ATRNL1: variants seen among roughly 807,000 people sequenced by gnomAD.
The protein encoded by ATRNL1 is attractin-like protein 1.
In ATRNL1, 95 loss-of-function variants were observed where a neutral mutation model predicts 182.7. The ratio of observed to expected loss-of-function variants is 0.52; its 90% CI spans 0.44 to 0.62. The LOEUF (loss-of-function observed/expected upper bound fraction) is 0.62. ATRNL1 is among the 20% of genes least tolerant of loss of function. The pLI is 0.00. For synonymous variants in ATRNL1, 576 were observed against 568.3 expected (o/e 1.01, Z -0.19); for missense variants, 1,471 against 1,679.5 (o/e 0.88, Z 2.17).
intron 18 of ATRNL1, among the ~76,000 whole-genome samples, chr10:115,325,534 C>T (rs1039001115): frequency 1.3e-5 from 2 of 152,112 alleles, no homozygotes; most frequent in Non-Finnish European, 2.9e-5. Context: ...ATTTTTTCTG[C>T]AGGTAGGTCT....
intron 28 of ATRNL1, among the ~76,000 whole-genome samples, chr10:115,879,319 A>G: frequency 6.6e-6 from 1 of 151,648 alleles, no homozygotes; most frequent in South Asian, 2.1e-4. Flanking sequence ...AAAAAAAGAA[A>G]GAAAGAAAGA....
At chr10:115,203,397 A>C (rs1848669352) in intron 8 of ATRNL1, among the ~76,000 whole-genome samples, 1 of 152,080 alleles carries the variant, frequency 6.6e-6, no homozygotes, top group Non-Finnish European at 1.5e-5. Context: ...ACAGTAAATA[A>C]TAGCCCCCTC....
At chr10:115,748,793 A>G (rs1306171016) in intron 27 of ATRNL1, among the ~76,000 whole-genome samples, 5 of 151,900 alleles carry the variant, frequency 3.3e-5, no homozygotes, top group South Asian at 4.1e-4. Flanking sequence ...AAGTGAACCA[A>G]TCGATTATAC....
chr10:115,822,331 A>G (rs550651977), intron 27 of ATRNL1, among the ~76,000 whole-genome samples: 1 of 152,316 alleles, frequency 6.6e-6, no homozygotes, highest in South Asian at 2.1e-4. Context: ...AAAGCAGGAA[A>G]GATCTAAAAT....
chr10:115,491,616 C>A (rs2134657908), intron 24 of ATRNL1, among the ~76,000 whole-genome samples: 1 of 152,276 alleles, frequency 6.6e-6, no homozygotes, highest in Admixed American at 6.5e-5. Flanking sequence ...TGGAGCATCC[C>A]AGTTCAACCT....
At chr10:115,660,734 A>G (rs540993139) in intron 26 of ATRNL1, among the ~76,000 whole-genome samples, 30 of 152,284 alleles carry the variant, frequency 2.0e-4, no homozygotes, top group African/African-American at 7.2e-4. Context: ...AAGTAGAGTG[A>G]GTAAAAATAA....
chr10:115,481,690 A>G (rs561116623), intron 24 of ATRNL1, among the ~76,000 whole-genome samples: 95 of 150,956 alleles, frequency 6.3e-4, no homozygotes, highest in African/African-American at 2.2e-3. Context: ...TAAAATATTT[A>G]CTGAGAAGAA....
chr10:115,466,041 C>G (rs1488517697), intron 22 of ATRNL1, among the ~76,000 whole-genome samples: 1 of 151,448 alleles, frequency 6.6e-6, no homozygotes, highest in Non-Finnish European at 1.5e-5. Flanking sequence ...GTATGGCCAT[C>G]ACACATCATC....
intron 27 of ATRNL1, among the ~76,000 whole-genome samples, chr10:115,754,132 C>T (rs1300018823): frequency 2.0e-5 from 3 of 152,228 alleles, no homozygotes; most frequent in Non-Finnish European, 4.4e-5. Context: ...TGCCTGCTCA[C>T]TCTGATGATA....
chr10:115,539,311 C>G (rs1260625348), intron 25 of ATRNL1, among the ~76,000 whole-genome samples: 1 of 152,192 alleles, frequency 6.6e-6, no homozygotes, highest in East Asian at 1.9e-4. Flanking sequence ...CTTTGTCAAA[C>G]ATTCACCATA....
Position 115,178,037 on chromosome 10 carries a change from GC to G in ATRNL1, c.1348+6747del, listed in dbSNP as rs1448274863. Among the ~76,000 whole-genome samples, 4 of 148,538 alleles carry G rather than the reference GC, an allele frequency of 2.7e-5. No homozygotes were observed. In the Admixed American group the frequency reaches 2.7e-4, roughly 10 times the overall value. ...GGGTTCAAGTGATCCTCCCACCTCAGCCTCCCAAGTGGTTGGGATTATAGGC... is the reference window on the plus strand; with the variant it reads ...GGGTTCAAGTGATCCTCCCACCTCAGCTCCCAAGTGGTTGGGATTATAGGC... On this transcript the variant is annotated intron_variant, in intron 8 of 28. Coordinates refer to ENST00000355044, the MANE Select transcript of ATRNL1 (RefSeq NM_207303.4).
chr10:115,176,791 T>C (rs1485079115), intron 8 of ATRNL1, among the ~76,000 whole-genome samples: 1 of 152,140 alleles, frequency 6.6e-6, no homozygotes, highest in Non-Finnish European at 1.5e-5. Context: ...TATGTTGCTA[T>C]AGGTACTCTT....
intron 27 of ATRNL1, among the ~76,000 whole-genome samples, chr10:115,768,945 G>T (rs780563068): frequency 6.6e-6 from 1 of 151,626 alleles, no homozygotes; most frequent in Non-Finnish European, 1.5e-5. Flanking sequence ...TCTTTTTCTT[G>T]TCTTACTAGT....
At chr10:115,882,635 C>T (rs1951852485) in intron 28 of ATRNL1, among the ~76,000 whole-genome samples, 1 of 152,128 alleles carries the variant, frequency 6.6e-6, no homozygotes, top group South Asian at 2.1e-4. Flanking sequence ...TTACAACTCT[C>T]CTTTGTGGTT....
intron 26 of ATRNL1, among the ~76,000 whole-genome samples, chr10:115,705,301 A>G (rs1289831165): frequency 6.6e-6 from 1 of 152,000 alleles, no homozygotes; most frequent in Non-Finnish European, 1.5e-5. Flanking sequence ...TCAAATACTA[A>G]TGGATATTTT....
intron 28 of ATRNL1, among the ~76,000 whole-genome samples, chr10:115,851,080 T>A (rs1191384768): frequency 6.6e-6 from 1 of 151,924 alleles, no homozygotes; most frequent in Non-Finnish European, 1.5e-5. Flanking sequence ...TAATCTCAAA[T>A]TTTTTTGTCA....
intron 27 of ATRNL1, among the ~76,000 whole-genome samples, chr10:115,825,151 C>T (rs1841000839): frequency 6.6e-6 from 1 of 152,030 alleles, no homozygotes; most frequent in African/African-American, 2.4e-5. Context: ...GGAACTGAAA[C>T]ATCATTCTCA....
intron 19 of ATRNL1, among the ~76,000 whole-genome samples, chr10:115,339,372 A>G (rs1191876403): frequency 6.6e-6 from 1 of 152,006 alleles, no homozygotes; most frequent in Non-Finnish European, 1.5e-5. Flanking sequence ...CATTTTTGGT[A>G]TCCTCTTCAA....
At chr10:115,632,354 G>T (rs1311782887) in intron 26 of ATRNL1, among the ~76,000 whole-genome samples, 6 of 152,066 alleles carry the variant, frequency 3.9e-5, no homozygotes, top group African/African-American at 9.6e-5. Context: ...AAAACAGAAA[G>T]AAATAAATAA....
Sources: gnomAD v4.1 joint callset for allele counts (sites outside exome capture counted in the v4.1 genomes callset) on GRCh38, gnomAD v4.1.1 for gene constraint, MANE v1.5 for transcripts, NCBI Gene and HGNC (gene_info 2026-07-23, HGNC 2026-07-21) for gene names.